TAPBP: variants seen among roughly 807,000 people sequenced by gnomAD.
TAPBP encodes tapasin.
In TAPBP, 38 loss-of-function variants were observed where a neutral mutation model predicts 45.7. The ratio of observed to expected loss-of-function variants is 0.83; its 90% CI spans 0.64 to 1.09. The LOEUF (loss-of-function observed/expected upper bound fraction) is 1.09. Ranked by LOEUF, TAPBP falls within the 50% of genes least tolerant of loss-of-function variation. The pLI, the probability that TAPBP is intolerant of heterozygous loss-of-function variation, is 0.00. For synonymous variants in TAPBP, 226 were observed against 254.8 expected, an observed-to-expected ratio of 0.89 and a Z score of 1.08; for missense variants, 513 against 587.3, an observed-to-expected ratio of 0.87 and a Z score of 1.31.
Position 33,313,264 on chromosome 6 carries a change from G to T in TAPBP, c.422C>A (p.Pro141Gln). 1 of 1,614,046 alleles carries T rather than the reference G, an allele frequency of 6.2e-7. No homozygotes were observed. Among genetic ancestry groups the T allele is most frequent in the Non-Finnish European group, 8.5e-7 (1 of 1,179,964 alleles). ...PVLSLSSLLR[P>Q]QPEPQQEPVL... Reference sequence around the variant, plus strand: ...AGGCTCCTGCTGAGGCTCTGGCTGTGGTCGCAAGAGGCTGGAGAGGCTGAG... The same window carrying T: ...AGGCTCCTGCTGAGGCTCTGGCTGTTGTCGCAAGAGGCTGGAGAGGCTGAG... The change falls in exon 3 of 8, where the codon CCA becomes CAA. Residue 141 changes from proline to glutamine, a missense_variant. Transcript: ENST00000434618. The surrounding 1 kb of genome is among the most constrained non-coding windows in gnomAD (Gnocchi z 7.2).
chr6:33,302,720 AC>A (rs138644007), intron 7 of TAPBP, among the ~76,000 whole-genome samples: 16,006 of 151,120 alleles, frequency 0.11, 1,242 homozygotes, highest in East Asian at 0.4. Context: ...ATCTCAGCTC[AC>A]TGCAACCTCT....
intron 3 of TAPBP, among the ~76,000 whole-genome samples, chr6:33,309,967 G>T (rs1769238896): frequency 6.6e-6 from 1 of 151,002 alleles, no homozygotes; most frequent in Non-Finnish European, 1.5e-5. Context: ...CAGGTGATCT[G>T]CCCACCTCGG....
Position 33,299,954 on chromosome 6 carries a change from C to T in TAPBP, c.*1806G>A, listed in dbSNP as rs1314958410. 1.3e-5 allele frequency: 2 copies of T among 153,580 alleles called. No individual in the cohort carries two copies. The highest frequency in any genetic ancestry group is 2.4e-5 in the African/African-American group (1 of 41,450). 9.5% of individuals were successfully genotyped at this position (153,580 alleles called of 1,614,324 possible). A position where few individuals can be genotyped will look rare whatever the true frequency, so the allele number is the denominator to read the frequency against. ...GAGACAGGCATTTAACGACGACTCA[C>T]ACGATCACTTAAATACAACTGTGGT... is the stretch of plus-strand genomic sequence containing the variant. On this transcript the variant is annotated 3_prime_UTR_variant, in exon 8 of 8. Transcript: ENST00000434618. This position sits in a 1 kb window ranked among gnomAD's most constrained non-coding sequence, Gnocchi z 5.0.
At chr6:33,308,410 T>C (rs1377352298) in intron 3 of TAPBP, among the ~76,000 whole-genome samples, 1 of 152,156 alleles carries the variant, frequency 6.6e-6, no homozygotes, top group Non-Finnish European at 1.5e-5. Flanking sequence ...CTTCTGATGG[T>C]TCGCTCTCAC....
intron 7 of TAPBP, among the ~76,000 whole-genome samples, 153 bp from the exon 8 acceptor site, chr6:33,301,924 G>T (rs1768616282): frequency 6.6e-6 from 1 of 152,078 alleles, no homozygotes; most frequent in Admixed American, 6.6e-5. Context: ...GCTGAGTGCT[G>T]TATCTCCTGC....
Position 33,309,599 on chromosome 6 carries a change from CTTTTTTTTTTT to C in TAPBP, c.469+3607_469+3617del, listed in dbSNP as rs759356578. Among the ~76,000 whole-genome samples the C allele has an allele frequency of 4.2e-3, 385 of 91,474 alleles. 7 individuals carry two copies. The highest frequency in any genetic ancestry group is 0.031 in the Middle Eastern group (5 of 162). The allele number at this position is 91,474 out of a possible 152,430, so 60.0% of individuals were successfully genotyped here. ...GACCTAAAGGTTTTACAGTTTAACT[CTTTTTTTTTTT>C]TTTTTTTTTTTGGAGACAGGGTCTC... On this transcript the variant is annotated intron_variant, in intron 3 of 7. Transcript: ENST00000434618.
intron 3 of TAPBP, among the ~76,000 whole-genome samples, chr6:33,306,333 G>A (rs1348729979): frequency 1.3e-5 from 2 of 152,230 alleles, no homozygotes; most frequent in Non-Finnish European, 2.9e-5. Context: ...AACCCTTGGA[G>A]TTACTCAGAC....
At position 33,305,593 on chromosome 6, in the gene TAPBP, G is replaced by A. The variant is rs186505883; in HGVS notation, c.470-206C>T. Among the ~76,000 whole-genome samples, 242 of 152,270 alleles carry A rather than the reference G, an allele frequency of 1.6e-3. No individual in the cohort carries two copies. Among genetic ancestry groups the A allele is most frequent in the Middle Eastern group, 0.014 (4 of 294 alleles). ...CTGGGTGGCACCTAGTGTGGCTGAGGGTGAGCAGAGAGGTCTAGGGGTGGT... is the reference window on the plus strand; with the variant it reads ...CTGGGTGGCACCTAGTGTGGCTGAGAGTGAGCAGAGAGGTCTAGGGGTGGT... On this transcript the variant is annotated intron_variant, in intron 3 of 7. Transcript: ENST00000434618. The surrounding 1 kb of genome is among the most constrained non-coding windows in gnomAD (Gnocchi z 4.4).
At chr6:33,306,310 G>C (rs778857419) in intron 3 of TAPBP, among the ~76,000 whole-genome samples, 10 of 152,180 alleles carry the variant, frequency 6.6e-5, no homozygotes, top group Non-Finnish European at 1.2e-4. Flanking sequence ...AAGCCCGCCA[G>C]ACACTAAAAG....
intron 3 of TAPBP, among the ~76,000 whole-genome samples, chr6:33,310,016 G>A (rs748412010): frequency 6.7e-5 from 10 of 150,090 alleles, no homozygotes; most frequent in Non-Finnish European, 1.3e-4. Flanking sequence ...GAGCCACTGC[G>A]CCCAGCATTT....
chr6:33,313,480 G>C lies in TAPBP; in HGVS notation c.209-3C>G. 1 of 1,557,446 alleles carries C rather than the reference G, an allele frequency of 6.4e-7. No individual in the cohort carries two copies. Among genetic ancestry groups the C allele is most frequent in the Non-Finnish European group, 8.7e-7 (1 of 1,149,482 alleles). Reference sequence around the variant, plus strand: ...AGCCTGGAGGGCGCCCGCGGGGTCTGAGTGTAGAGAAGGAAGTTGCAGCTG... The same window carrying C: ...AGCCTGGAGGGCGCCCGCGGGGTCTCAGTGTAGAGAAGGAAGTTGCAGCTG... On this transcript the variant is annotated splice_region_variant and splice_polypyrimidine_tract_variant and intron_variant, in intron 2 of 7. Coordinates refer to ENST00000434618, the MANE Select transcript of TAPBP (RefSeq NM_003190.5). This position sits in a 1 kb window ranked among gnomAD's most constrained non-coding sequence, Gnocchi z 7.2.
chr6:33,304,077 G>A (rs1768771033), intron 6 of TAPBP, 51 bp downstream of exon 6: 1 of 1,610,462 alleles, frequency 6.2e-7, no homozygotes, highest in African/African-American at 1.3e-5. Context: ...GGGAGTAGGT[G>A]GGGAAAGTCC....
chr6:33,303,869 C>T, intron 7 of TAPBP, 86 bp downstream of exon 7: 1 of 1,613,474 alleles, frequency 6.2e-7, no homozygotes, highest in Non-Finnish European at 8.5e-7. Context: ...CTGCCTACCA[C>T]ACCAGCAGCC....
Position 33,305,354 on chromosome 6 carries a change from G to C in TAPBP, c.503C>G (p.Pro168Arg). The C allele has an allele frequency of 6.5e-7, 1 of 1,535,954 alleles. No homozygotes were observed. Among genetic ancestry groups the C allele is most frequent in the Non-Finnish European group, 8.7e-7 (1 of 1,143,142 alleles). ...VLTVLTHTPA[P>R]RVRLGQDALL... is the part of the protein sequence containing the mutation. ...AGCATCTTGTCCCAGTCTCACTCGA[G>C]GGGCAGGGGTGTGGGTGAGGACAGT... The change falls in exon 4 of 8, where the codon CCT becomes CGT. Residue 168 changes from proline (P) to arginine (R), a missense_variant. Pro to Arg is a moderately radical substitution (Grantham distance 103). Coordinates refer to ENST00000434618, the MANE Select transcript of TAPBP (RefSeq NM_003190.5). This position sits in a 1 kb window ranked among gnomAD's most constrained non-coding sequence, Gnocchi z 4.4.
At chr6:33,309,081 T>C (rs1769162108) in intron 3 of TAPBP, among the ~76,000 whole-genome samples, 1 of 98,302 alleles carries the variant, frequency 1.0e-5, no homozygotes, top group South Asian at 5.1e-4. Context: ...AACATACTTT[T>C]GAATTGTTAA....
In TAPBP at chr6:33,313,888, G is replaced by A. The variant is rs993410545; in HGVS notation, c.38-24C>T. 1 of 1,613,232 alleles carries A rather than the reference G, an allele frequency of 6.2e-7. No individual in the cohort carries two copies. Among genetic ancestry groups the A allele is most frequent in the Non-Finnish European group, 8.5e-7 (1 of 1,179,798 alleles). On this transcript the variant is annotated intron_variant, in intron 1 of 7. Coordinates refer to ENST00000434618, the MANE Select transcript of TAPBP (RefSeq NM_003190.5). The surrounding 1 kb of genome is among the most constrained non-coding windows in gnomAD (Gnocchi z 7.2). Reference sequence around the variant, plus strand: ...GCCTGGCGTATAGGGACGCGAGTGAGGAGCGGTTTGTATGTCTGGTGACCT... The same window carrying A: ...GCCTGGCGTATAGGGACGCGAGTGAAGAGCGGTTTGTATGTCTGGTGACCT...
At chr6:33,307,362 A>G (rs1769043835) in intron 3 of TAPBP, among the ~76,000 whole-genome samples, 1 of 149,528 alleles carries the variant, frequency 6.7e-6, no homozygotes, top group South Asian at 2.1e-4. Flanking sequence ...GGCTGAAGCT[A>G]TATGGCCTGG....
chr6:33,304,119 GAC>G lies in TAPBP; in HGVS notation c.1300+7_1300+8del. The G allele has an allele frequency of 6.2e-7, 1 of 1,613,018 alleles. No homozygotes were observed. Among genetic ancestry groups the G allele is most frequent in the South Asian group, 1.1e-5 (1 of 90,972 alleles). On this transcript the variant is annotated splice_region_variant and intron_variant, in intron 6 of 7. Coordinates refer to ENST00000434618, the MANE Select transcript of TAPBP (RefSeq NM_003190.5). ...CTCAGGTCATGGTCAGGGTAGGGCT[GAC>G]ACTTACCAGCCCAGCCCAGTGCCTT...
Position 33,313,559 on chromosome 6 carries a change from T to C in TAPBP, c.209-82A>G. The C allele has an allele frequency of 1.3e-6, 2 of 1,514,256 alleles. No homozygotes were observed. Among genetic ancestry groups the C allele is most frequent in the Non-Finnish European group, 1.8e-6 (2 of 1,128,770 alleles). The allele number at this position is 1,514,256 out of a possible 1,614,324, so 93.8% of individuals were successfully genotyped here. On this transcript the variant is annotated intron_variant, in intron 2 of 7. Transcript: ENST00000434618. The surrounding 1 kb of genome is among the most constrained non-coding windows in gnomAD (Gnocchi z 7.2). ...AGGGCAGCGTTCGGGGAACTTCAAA[T>C]GCACAGACTACCCCGTAGTGAGACT...
Sources: gnomAD v4.1 joint callset for allele counts (sites outside exome capture counted in the v4.1 genomes callset) on GRCh38, gnomAD v4.1.1 for gene constraint, Gnocchi (gnomAD v3.1) non-coding constraint, MANE v1.5 for transcripts, NCBI Gene and HGNC (gene_info 2026-07-23, HGNC 2026-07-21) for gene names.